Variants in CPNE5 observed in about 807,000 individuals in gnomAD.
CPNE5 encodes copine-5.
A neutral mutation model predicts 81.1 loss-of-function variants in CPNE5; 42 were observed. The ratio of observed to expected loss-of-function variants is 0.52; its 90% CI spans 0.40 to 0.67. The LOEUF (loss-of-function observed/expected upper bound fraction) is 0.67. CPNE5 is among the 30% of genes least tolerant of loss of function. The probability of loss-of-function intolerance (pLI) is 0.00; values close to 1 mark genes in which losing one functional copy is unlikely to be tolerated. For missense variants in CPNE5, 612 were observed against 815.5 expected (o/e 0.75, Z 3.04); for synonymous variants, 313 against 321.5 (o/e 0.97, Z 0.28).
chr6:36,752,080 G>A (rs2150378982), intron 14 of CPNE5, among the ~76,000 whole-genome samples: 1 of 152,250 alleles, frequency 6.6e-6, no homozygotes, highest in African/African-American at 2.4e-5. Flanking sequence ...CAAGGCAGCA[G>A]GGAGTGTTGT....
At position 36,742,271 on chromosome 6, in the gene CPNE5, G is replaced by A; in HGVS notation, c.1779C>T (p.Ile593=). The part of the protein sequence containing the change: ...TPPASPLHTH[I] ...CACCTGCCTGCTGAGACCAGGTTCA[G>A]ATGTGCGTGTGCAGGGGGGACGCAG... Residue 593 remains isoleucine, a synonymous_variant, in exon 21 of 21, where the codon ATC becomes ATT. Coordinates refer to ENST00000244751, the MANE Select transcript of CPNE5 (RefSeq NM_020939.2). 6.3e-7 allele frequency: 1 copy of A among 1,579,690 alleles called. No homozygotes were observed. Among genetic ancestry groups the A allele is most frequent in the Non-Finnish European group, 8.6e-7 (1 of 1,164,130 alleles).
intron 1 of CPNE5, among the ~76,000 whole-genome samples, chr6:36,826,161 C>A (rs1004438692): frequency 6.6e-6 from 1 of 152,046 alleles, no homozygotes; most frequent in Non-Finnish European, 1.5e-5. Flanking sequence ...TGTGTGCATG[C>A]GCATGTGTTA....
intron 3 of CPNE5, among the ~76,000 whole-genome samples, chr6:36,805,442 G>A (rs1185670618): frequency 6.6e-6 from 1 of 152,238 alleles, no homozygotes; most frequent in African/African-American, 2.4e-5. Flanking sequence ...TCCTCACGTT[G>A]CTCACAGACC....
chr6:36,806,938 A>G (rs1010430666), intron 3 of CPNE5, among the ~76,000 whole-genome samples: 2 of 152,264 alleles, frequency 1.3e-5, no homozygotes, highest in African/African-American at 4.8e-5. Flanking sequence ...TCCACATTGT[A>G]GAAAGTGGCC....
At chr6:36,809,153 T>C (rs540611742) in intron 3 of CPNE5, among the ~76,000 whole-genome samples, 237 of 151,962 alleles carry the variant, frequency 1.6e-3, no homozygotes, top group African/African-American at 4.6e-3. Flanking sequence ...GTCCCTGACC[T>C]AACACCCTGC....
intron 8 of CPNE5, among the ~76,000 whole-genome samples, chr6:36,787,366 C>T (rs1037403278): frequency 7.2e-5 from 11 of 152,044 alleles, no homozygotes; most frequent in South Asian, 2.1e-4. Context: ...CTCATCTTTC[C>T]GATTCCTCAT....
At chr6:36,772,384 C>A (rs890441372) in intron 10 of CPNE5, among the ~76,000 whole-genome samples, 5 of 152,220 alleles carry the variant, frequency 3.3e-5, no homozygotes, top group Non-Finnish European at 7.3e-5. Context: ...GTCCTCTCAT[C>A]CCCTCACCCA....
chr6:36,744,927 C>T (rs768594975), intron 18 of CPNE5, 121 bp downstream of exon 18: 24 of 706,906 alleles, frequency 3.4e-5, no homozygotes, highest in Middle Eastern at 2.4e-4. Context: ...TGAGAAGCCA[C>T]GCCCAAGTCA....
At chr6:36,802,215 CTCAAAAAAAA>C (rs2150534439) in intron 3 of CPNE5, among the ~76,000 whole-genome samples, 1 of 46,438 alleles carries the variant, frequency 2.2e-5, no homozygotes, top group African/African-American at 1.2e-4. Context: ...GAGACTCCAT[CTCAAAAAAAA>C]AAAAAAAAAA....
chr6:36,752,977 G>A (rs1765013065), intron 14 of CPNE5, 57 bp downstream of exon 14: 1 of 1,412,262 alleles, frequency 7.1e-7, no homozygotes. Context: ...TCCTGTCGGT[G>A]TGTGGGGCCC....
intron 1 of CPNE5, among the ~76,000 whole-genome samples, chr6:36,828,838 A>G (rs9470413): frequency 0.048 from 7,335 of 152,254 alleles, 362 homozygotes; most frequent in African/African-American, 0.12. Context: ...TTCATCTCTG[A>G]ATCCAACACC....
intron 3 of CPNE5, among the ~76,000 whole-genome samples, chr6:36,808,827 C>T (rs1422352801): frequency 6.6e-6 from 1 of 152,220 alleles, no homozygotes; most frequent in Non-Finnish European, 1.5e-5. Context: ...ATTATCCCCA[C>T]TTTACAGATA....
chr6:36,782,867 AC>A (rs1428215436), intron 8 of CPNE5, among the ~76,000 whole-genome samples: 41 of 149,040 alleles, frequency 2.8e-4, no homozygotes, highest in African/African-American at 9.6e-4. Flanking sequence ...ACACACACAC[AC>A]AAAACGGCAC....
chr6:36,788,615 T>C (rs1768811841), intron 8 of CPNE5, among the ~76,000 whole-genome samples: 1 of 152,262 alleles, frequency 6.6e-6, no homozygotes, highest in African/African-American at 2.4e-5. Flanking sequence ...GGTAAACCAA[T>C]GTTGGCCAGT....
chr6:36,798,964 CT>C (rs1295180203), intron 4 of CPNE5, among the ~76,000 whole-genome samples: 2 of 152,148 alleles, frequency 1.3e-5, no homozygotes, highest in African/African-American at 2.4e-5. Context: ...GCCTGCCCAG[CT>C]TGCCCACAGG....
At chr6:36,778,979 G>A (rs775251866) in intron 8 of CPNE5, 22 bp from the exon 9 acceptor site, 18 of 1,516,980 alleles carry the variant, frequency 1.2e-5, no homozygotes, top group African/African-American at 5.5e-5. Context: ...GAGGGAGAAC[G>A]GGGTGTGAGG....
At chr6:36,759,705 G>C (rs1765835251) in intron 12 of CPNE5, among the ~76,000 whole-genome samples, 1 of 152,058 alleles carries the variant, frequency 6.6e-6, no homozygotes, top group Non-Finnish European at 1.5e-5. Context: ...CCACAGGGAG[G>C]CTCCGTGGAC....
In CPNE5 at chr6:36,798,485, A is replaced by C. The variant is rs373208480; in HGVS notation, c.297T>G (p.Val99=). ...KQNLRFDLYD[V]DSKSPDLSKH... ...TGGATAAATCAGGACTCTTAGAGTC[A>C]ACGTCGTATCTGCAGGGAACACAGA... The change falls in exon 5 of 21, where the codon GTT becomes GTG. Residue 99 remains valine, a synonymous_variant. Transcript: ENST00000244751. 25 of 1,614,120 alleles carry C rather than the reference A, an allele frequency of 1.5e-5. 1 individual carries two copies. The Admixed American group carries it at 3.5e-4, about 23-fold the overall frequency.
At chr6:36,797,351 G>A (rs756599118) in intron 6 of CPNE5, among the ~76,000 whole-genome samples, 18 of 152,226 alleles carry the variant, frequency 1.2e-4, no homozygotes, top group East Asian at 7.7e-4. Context: ...CCCTGCCCAC[G>A]AGTGTCAACC....
Sources: allele counts gnomAD v4.1 joint callset (sites outside exome capture counted in the v4.1 genomes callset), GRCh38; gene constraint gnomAD v4.1.1; transcripts MANE v1.5; gene names NCBI Gene and HGNC (gene_info 2026-07-23, HGNC 2026-07-21).